The following FIBIN variants were observed in gnomAD, a reference collection of about 807,000 sequenced individuals.
The protein encoded by FIBIN is fin bud initiation factor homolog.
A neutral mutation model predicts 13.0 loss-of-function variants in FIBIN; 8 were observed. The ratio of observed to expected loss-of-function variants is 0.62; its 90% CI spans 0.36 to 1.11. FIBIN has a LOEUF of 1.11. Ranked by LOEUF, FIBIN falls within the 50% of genes most tolerant of loss-of-function variation. The probability of loss-of-function intolerance (pLI) is 0.02; values close to 1 mark genes in which losing one functional copy is unlikely to be tolerated. For synonymous variants in FIBIN, 127 were observed against 114.7 expected (o/e 1.11, Z -0.69); for missense variants, 261 against 260.2 (o/e 1.00, Z -0.02).
rs188656817 is a variant in FIBIN, at chr11:26,994,815, G to A, written c.289G>A (p.Val97Met). Residue 97 changes from valine (V) to methionine (M), a missense_variant, in exon 1 of 1, where the codon GTG becomes ATG. Coordinates refer to ENST00000318627, the MANE Select transcript of FIBIN (RefSeq NM_203371.2). ...CCGCCAGGTGGAGGATGCTGGGCGC[G>A]TGCTGGAGGGCATCAGCAAAAGCAT... ...LGRQVEDAGRVLEGISKSISY... is the reference protein window; with the variant it reads ...LGRQVEDAGRMLEGISKSISY... The A allele has an allele frequency of 6.2e-6, 10 of 1,602,154 alleles. No individual in the cohort carries two copies. The African/African-American group carries it at 8.0e-5, about 13-fold the overall frequency.
In FIBIN at chr11:26,995,646, A is replaced by C. The variant is rs907906749; in HGVS notation, c.*484A>C. 1.2e-5 allele frequency: 2 copies of C among 167,718 alleles called. No homozygotes were observed. Among genetic ancestry groups the C allele is most frequent in the African/African-American group, 4.8e-5 (2 of 41,470 alleles). The allele number at this position is 167,718 out of a possible 1,614,324, so 10.4% of individuals were successfully genotyped here. ...AATGAGGTTCAAGGTGCTGCTTTGCATGCCTGCCAACCCATGGAAGTTGTT... is the reference window on the plus strand; with the variant it reads ...AATGAGGTTCAAGGTGCTGCTTTGCCTGCCTGCCAACCCATGGAAGTTGTT... On this transcript the variant is annotated 3_prime_UTR_variant, in exon 1 of 1. Coordinates refer to ENST00000318627, the MANE Select transcript of FIBIN (RefSeq NM_203371.2).
chr11:26,995,259 A>AT lies in FIBIN; in HGVS notation c.*104dup, dbSNP rs1564937013. The AT allele has an allele frequency of 5.8e-6, 7 of 1,212,244 alleles. No homozygotes were observed. Among genetic ancestry groups the AT allele is most frequent in the African/African-American group, 1.5e-5 (1 of 65,314 alleles). 75.1% of individuals were successfully genotyped at this position (1,212,244 alleles called of 1,614,324 possible). A position where few individuals can be genotyped will look rare whatever the true frequency, so the allele number is the denominator to read the frequency against. On this transcript the variant is annotated 3_prime_UTR_variant, in exon 1 of 1. Coordinates refer to ENST00000318627, the MANE Select transcript of FIBIN (RefSeq NM_203371.2). Reference sequence around the variant, plus strand: ...GGGCTACATTTCCCCCATACCTACTATTTTTTTATATCCCGATTTGCACTT... The same window carrying AT: ...GGGCTACATTTCCCCCATACCTACTATTTTTTTTATATCCCGATTTGCACTT...
Position 26,996,711 on chromosome 11 carries a change from C to T in FIBIN, c.*1549C>T, listed in dbSNP as rs1590143099. Among the ~76,000 whole-genome samples, 1 of 152,132 alleles carries T rather than the reference C, an allele frequency of 6.6e-6. No homozygotes were observed. Among genetic ancestry groups the T allele is most frequent in the African/African-American group, 2.4e-5 (1 of 41,520 alleles). On this transcript the variant is annotated 3_prime_UTR_variant, in exon 1 of 1. Transcript: ENST00000318627. ...CCCTTGAATAAGAAAATAAGTTTTC[C>T]ATTCCTATGAACTGTCTAATATCTT... is the stretch of plus-strand genomic sequence containing the variant.
Position 26,994,469 on chromosome 11 carries a change from C to T in FIBIN, c.-58C>T, listed in dbSNP as rs1850900273. 1 of 1,500,392 alleles carries T rather than the reference C, an allele frequency of 6.7e-7. No homozygotes were observed. Among genetic ancestry groups the T allele is most frequent in the South Asian group, 1.3e-5 (1 of 78,922 alleles). 92.9% of individuals were successfully genotyped at this position (1,500,392 alleles called of 1,614,324 possible). On this transcript the variant is annotated 5_prime_UTR_variant, in exon 1 of 1. Transcript: ENST00000318627. ...CGCTGACTCGCAAAGACACTCCCTT[C>T]CTTGTGCCTGGGTAAAAAGTCTCCT...
Position 26,995,079 on chromosome 11 carries a change from G to A in FIBIN, c.553G>A (p.Asp185Asn). ...ACTGGACATCTCTGTGGGGCTCAGG[G>A]ACAAATACGAGCTGCTGGCCCTCAC... is the stretch of plus-strand genomic sequence containing the variant. ...ETLDISVGLR[D>N]KYELLALTIR... Residue 185 changes from aspartate (D) to asparagine (N), a missense_variant, in exon 1 of 1, where the codon GAC becomes AAC. Asp to Asn is a conservative substitution (Grantham distance 23, BLOSUM62 1). Transcript: ENST00000318627. 3 of 1,614,092 alleles carry A rather than the reference G, an allele frequency of 1.9e-6. No individual in the cohort carries two copies. The highest frequency in any genetic ancestry group is 2.5e-6 in the Non-Finnish European group (3 of 1,180,016).
rs1850921472 is a variant in FIBIN, at chr11:26,995,810, A to G, written c.*648A>G. The G allele has an allele frequency of 6.1e-6, 1 of 164,384 alleles. No individual in the cohort carries two copies. Among genetic ancestry groups the G allele is most frequent in the South Asian group, 2.1e-4 (1 of 4,770 alleles). The allele number at this position is 164,384 out of a possible 1,614,324, so 10.2% of individuals were successfully genotyped here. ...TGCCTCTGTGGGTGTGTGTAAGTTA[A>G]AGTGGCCACATTTAAGAAGGCCAAG... On this transcript the variant is annotated 3_prime_UTR_variant, in exon 1 of 1. Coordinates refer to ENST00000318627, the MANE Select transcript of FIBIN (RefSeq NM_203371.2).
rs2133346939 is a variant in FIBIN, at chr11:26,994,294, G to A, written c.-233G>A. The A allele has an allele frequency of 6.7e-6, 3 of 450,738 alleles. No individual in the cohort carries two copies. Among genetic ancestry groups the A allele is most frequent in the East Asian group, 3.5e-5 (1 of 28,920 alleles). 27.9% of individuals were successfully genotyped at this position (450,738 alleles called of 1,614,324 possible). On this transcript the variant is annotated 5_prime_UTR_variant, in exon 1 of 1. Transcript: ENST00000318627. ...CTGTGCCGGAGGAGTTCCAGTCACC[G>A]AGCGAGGGGCGCAAGGGTGGGTGCA...
In FIBIN at chr11:26,996,857, G is replaced by A. The variant is rs1276744919; in HGVS notation, c.*1695G>A. ...GACTTCCCGAACTAATTTTTTTAAG[G>A]ATACTGAAAAATGAGAGAGAGTGGT... On this transcript the variant is annotated 3_prime_UTR_variant, in exon 1 of 1. Coordinates refer to ENST00000318627, the MANE Select transcript of FIBIN (RefSeq NM_203371.2). Among the ~76,000 whole-genome samples, 2 of 152,064 alleles carry A rather than the reference G, an allele frequency of 1.3e-5. No homozygotes were observed. The highest frequency in any genetic ancestry group is 1.9e-4 in the East Asian group (1 of 5,184).
In FIBIN at chr11:26,995,394, A is replaced by G. The variant is rs1850916486; in HGVS notation, c.*232A>G. 1.4e-5 allele frequency: 6 copies of G among 439,242 alleles called. No homozygotes were observed. The South Asian group carries it at 3.5e-4, about 26-fold the overall frequency. The allele number at this position is 439,242 out of a possible 1,614,324, so 27.2% of individuals were successfully genotyped here. Reference sequence around the variant, plus strand: ...TTTATGTGATTGTTATGGAATTGTCACCTGGAAAGAACAATTTTAAGCAAT... The same window carrying G: ...TTTATGTGATTGTTATGGAATTGTCGCCTGGAAAGAACAATTTTAAGCAAT... On this transcript the variant is annotated 3_prime_UTR_variant, in exon 1 of 1. Transcript: ENST00000318627.
chr11:26,995,915 A>G lies in FIBIN; in HGVS notation c.*753A>G, dbSNP rs1207231819. On this transcript the variant is annotated 3_prime_UTR_variant, in exon 1 of 1. Coordinates refer to ENST00000318627, the MANE Select transcript of FIBIN (RefSeq NM_203371.2). ...ATGTCTATGCTTTGTCATCAGTGCT[A>G]TAGTAAATTACAAAGAAATAGGTAG... 1 of 166,974 alleles carries G rather than the reference A, an allele frequency of 6.0e-6. No individual in the cohort carries two copies. Among genetic ancestry groups the G allele is most frequent in the African/African-American group, 2.4e-5 (1 of 41,470 alleles). 10.3% of individuals were successfully genotyped at this position (166,974 alleles called of 1,614,324 possible). A position where few individuals can be genotyped will look rare whatever the true frequency, so the allele number is the denominator to read the frequency against.
Position 26,996,372 on chromosome 11 carries a change from T to C in FIBIN, c.*1210T>C, listed in dbSNP as rs1590142954. ...GGTCTGCTTAAAGACTCAAATTTTCTCCAGTTTCTCTCATAAATTCAATTG... is the reference window on the plus strand; with the variant it reads ...GGTCTGCTTAAAGACTCAAATTTTCCCCAGTTTCTCTCATAAATTCAATTG... On this transcript the variant is annotated 3_prime_UTR_variant, in exon 1 of 1. Transcript: ENST00000318627. Among the ~76,000 whole-genome samples, 1 of 152,286 alleles carries C rather than the reference T, an allele frequency of 6.6e-6. No homozygotes were observed. Among genetic ancestry groups the C allele is most frequent in the African/African-American group, 2.4e-5 (1 of 41,568 alleles).
At position 26,994,806 on chromosome 11, in the gene FIBIN, GC is replaced by G; in HGVS notation, c.281del (p.Ala94ValfsTer16). 2 of 1,606,476 alleles carry G rather than the reference GC, an allele frequency of 1.2e-6. No homozygotes were observed. Among genetic ancestry groups the G allele is most frequent in the East Asian group, 4.5e-5 (2 of 44,740 alleles). On this transcript the variant is annotated frameshift_variant, in exon 1 of 1. Coordinates refer to ENST00000318627, the MANE Select transcript of FIBIN (RefSeq NM_203371.2). LOFTEE classifies it high-confidence loss of function. Reference protein sequence around the residue: ...FTVLGRQVEDAGRVLEGISKS... With the variant: ...FTVLGRQVEDXGRVLEGISKS... ...CGTGCTGGGCCGCCAGGTGGAGGAT[GC>G]TGGGCGCGTGCTGGAGGGCATCAGC...
rs545542158 is a variant in FIBIN, at chr11:26,995,796, G to T, written c.*634G>T. On this transcript the variant is annotated 3_prime_UTR_variant, in exon 1 of 1. Coordinates refer to ENST00000318627, the MANE Select transcript of FIBIN (RefSeq NM_203371.2). ...AGGGAGATTTCTGATGCCTCTGTGG[G>T]TGTGTGTAAGTTAAAGTGGCCACAT... 1.8e-5 allele frequency: 3 copies of T among 167,170 alleles called. No homozygotes were observed. The highest frequency in any genetic ancestry group is 7.2e-5 in the African/African-American group (3 of 41,498). 10.4% of individuals were successfully genotyped at this position (167,170 alleles called of 1,614,324 possible).
Position 26,995,031 on chromosome 11 carries a change from A to C in FIBIN, c.505A>C (p.Thr169Pro). Residue 169 changes from threonine (T) to proline (P), a missense_variant, in exon 1 of 1, where the codon ACC becomes CCC. Coordinates refer to ENST00000318627, the MANE Select transcript of FIBIN (RefSeq NM_203371.2). ...GGACTTTCTGGGAATGCTGGTCCAC[A>C]CCAGGTCCCTGCTGAAGGAGACACT... Reference protein sequence around the residue: ...NEDFLGMLVHTRSLLKETLDI... With the variant: ...NEDFLGMLVHPRSLLKETLDI... The C allele has an allele frequency of 6.2e-7, 1 of 1,613,998 alleles. No individual in the cohort carries two copies. The highest frequency in any genetic ancestry group is 8.5e-7 in the Non-Finnish European group (1 of 1,179,980).
Position 26,994,876 on chromosome 11 carries a change from A to G in FIBIN, c.350A>G (p.Lys117Arg). ...CTAGACGGGGAAGAGAGCTATGGCA[A>G]GTACCTGCGGCGGGAGTCCCACCAG... ...YDLDGEESYG[K>R]YLRRESHQIG... The change falls in exon 1 of 1, where the codon AAG becomes AGG. Residue 117 changes from lysine to arginine, a missense_variant. By Grantham distance (26) the Lys-to-Arg change is conservative. Transcript: ENST00000318627. 1.3e-6 allele frequency: 2 copies of G among 1,599,874 alleles called. No homozygotes were observed. Among genetic ancestry groups the G allele is most frequent in the Non-Finnish European group, 8.5e-7 (1 of 1,172,542 alleles).
chr11:26,995,120 G>T lies in FIBIN; in HGVS notation c.594G>T (p.Gly198=). 1 of 1,612,020 alleles carries T rather than the reference G, an allele frequency of 6.2e-7. No homozygotes were observed. Among genetic ancestry groups the T allele is most frequent in the Non-Finnish European group, 8.5e-7 (1 of 1,179,332 alleles). The change falls in exon 1 of 1, where the codon GGG becomes GGT. Residue 198 remains glycine (G), a synonymous_variant. Coordinates refer to ENST00000318627, the MANE Select transcript of FIBIN (RefSeq NM_203371.2). ...ELLALTIRSH[G]TRLGRLKNDY... is the part of the protein sequence containing the mutation. ...TGGCCCTCACCATTAGGAGCCATGG[G>T]ACCCGACTAGGTCGGCTGAAAAATG...
At position 26,995,236 on chromosome 11, in the gene FIBIN, G is replaced by A. The variant is rs1421193202; in HGVS notation, c.*74G>A. ...TGGAGGGTGGGGGACAGAAGATGGG[G>A]CTACATTTCCCCCATACCTACTATT... is the stretch of plus-strand genomic sequence containing the variant. On this transcript the variant is annotated 3_prime_UTR_variant, in exon 1 of 1. Coordinates refer to ENST00000318627, the MANE Select transcript of FIBIN (RefSeq NM_203371.2). The A allele has an allele frequency of 1.4e-6, 2 of 1,423,650 alleles. No individual in the cohort carries two copies. The highest frequency in any genetic ancestry group is 1.9e-6 in the Non-Finnish European group (2 of 1,051,832). The allele number at this position is 1,423,650 out of a possible 1,614,324, so 88.2% of individuals were successfully genotyped here.
chr11:26,994,272 T>TGCC lies in FIBIN; in HGVS notation c.-253_-251dup. ...GAGGAGGGGTTCCCCGCTACGCCTG[T>TGCC]GCCGGAGGAGTTCCAGTCACCGAGC... On this transcript the variant is annotated 5_prime_UTR_variant, in exon 1 of 1. Transcript: ENST00000318627. 2.3e-6 allele frequency: 1 copy of TGCC among 436,430 alleles called. No individual in the cohort carries two copies. The allele number at this position is 436,430 out of a possible 1,614,324, so 27.0% of individuals were successfully genotyped here. A position where few individuals can be genotyped will look rare whatever the true frequency, so the allele number is the denominator to read the frequency against.
rs1223259755 is a variant in FIBIN at position 26,995,266 on chromosome 11, T to A, written c.*104T>A. 31 of 1,172,994 alleles carry A rather than the reference T, an allele frequency of 2.6e-5. No homozygotes were observed. The highest frequency in any genetic ancestry group is 3.6e-5 in the Non-Finnish European group (30 of 844,452). The allele number at this position is 1,172,994 out of a possible 1,614,324, so 72.7% of individuals were successfully genotyped here. Reference sequence around the variant, plus strand: ...ATTTCCCCCATACCTACTATTTTTTTATATCCCGATTTGCACTTTGAGAAT... The same window carrying A: ...ATTTCCCCCATACCTACTATTTTTTAATATCCCGATTTGCACTTTGAGAAT... On this transcript the variant is annotated 3_prime_UTR_variant, in exon 1 of 1. Transcript: ENST00000318627.
Sources: gnomAD v4.1 joint callset for allele counts (sites outside exome capture counted in the v4.1 genomes callset) on GRCh38, gnomAD v4.1.1 for gene constraint, MANE v1.5 for transcripts, NCBI Gene and HGNC (gene_info 2026-07-23, HGNC 2026-07-21) for gene names.